The following NEBL variants were observed in gnomAD, a reference collection of about 807,000 sequenced individuals.
The protein encoded by NEBL is LIM and SH3 protein 2.
Under a neutral mutation model 140.2 loss-of-function variants are expected in NEBL, and 122 were observed. That is an observed-to-expected ratio of 0.87 (90% CI 0.75 to 1.01). The LOEUF (loss-of-function observed/expected upper bound fraction) is 1.01, where lower values mean the gene tolerates loss of function less well. NEBL is among the 50% of genes least tolerant of loss of function. The pLI, the probability that NEBL is intolerant of heterozygous loss-of-function variation, is 0.00. For synonymous variants in NEBL, 436 were observed against 398.9 expected, an observed-to-expected ratio of 1.09 and a Z score of -1.11; for missense variants, 1,365 against 1,231.3, an observed-to-expected ratio of 1.11 and a Z score of -1.62.
In NEBL at chr10:21,147,464, C is replaced by T. The variant is rs1839946847; in HGVS notation, c.164+24919G>A. On this transcript the variant is annotated intron_variant, in intron 2 of 6. Transcript: ENST00000417816. Reference sequence around the variant, plus strand: ...CCTCCCTTCACTGGCTTTCCCTTCTCACTTCCCACTCAGTCCTCAACCCAC... The same window carrying T: ...CCTCCCTTCACTGGCTTTCCCTTCTTACTTCCCACTCAGTCCTCAACCCAC... 2.7e-5 allele frequency among the ~76,000 whole-genome samples: 4 copies of T among 150,238 alleles called. No individual in the cohort carries two copies. The South Asian group carries it at 8.5e-4, about 32-fold the overall frequency.
intron 4 of NEBL, among the ~76,000 whole-genome samples, chr10:20,907,785 T>C (rs760958969): frequency 3.2e-4 from 48 of 152,334 alleles, no homozygotes; most frequent in Admixed American, 5.2e-4. Flanking sequence ...GTATTTCTGA[T>C]TTCTGCTCCC....
chr10:21,234,566 G>T (rs565639777), intron 3 of NEBL, among the ~76,000 whole-genome samples: 1 of 152,092 alleles, frequency 6.6e-6, no homozygotes, highest in Non-Finnish European at 1.5e-5. Context: ...CCAGTCTCAG[G>T]TGTTCCTTTA....
intron 4 of NEBL, among the ~76,000 whole-genome samples, chr10:20,958,891 C>A (rs1050634556): frequency 2.0e-5 from 3 of 152,180 alleles, no homozygotes; most frequent in Non-Finnish European, 4.4e-5. Flanking sequence ...TATTTTATCC[C>A]ACACCTCAGT....
chr10:21,112,962 G>GC, intron 2 of NEBL: 1 of 340,698 alleles, frequency 2.9e-6, no homozygotes, highest in South Asian at 2.8e-5. Flanking sequence ...AAAGTGATCT[G>GC]CCCCTGGAAG....
chr10:21,051,132 A>G (rs1041317683), intron 2 of NEBL, among the ~76,000 whole-genome samples: 1 of 152,162 alleles, frequency 6.6e-6, no homozygotes, highest in Non-Finnish European at 1.5e-5. Flanking sequence ...TAGAGATAGG[A>G]AAAAAACACA....
At chr10:21,234,552 T>C (rs1384207690) in intron 3 of NEBL, among the ~76,000 whole-genome samples, 2 of 152,244 alleles carry the variant, frequency 1.3e-5, no homozygotes, top group East Asian at 3.9e-4. Context: ...TCATTATAAA[T>C]TACCCAGTCT....
rs917993142 is a variant in NEBL at position 21,039,085 on chromosome 10, T to G, written c.165-18884A>C. Among the ~76,000 whole-genome samples, 3 of 74,334 alleles carry G rather than the reference T, an allele frequency of 4.0e-5. No individual in the cohort carries two copies. The South Asian group carries it at 1.4e-3, about 36-fold the overall frequency. 48.8% of individuals were successfully genotyped at this position (74,334 alleles called of 152,430 possible). On this transcript the variant is annotated intron_variant, in intron 2 of 6. Coordinates refer to the NEBL transcript ENST00000417816. Reference sequence around the variant, plus strand: ...GTTTTTTTTTTTTTTTTTTTTTTTTTTGTAAATTTGTTTAAGTCCCTTGTA... The same window carrying G: ...GTTTTTTTTTTTTTTTTTTTTTTTTGTGTAAATTTGTTTAAGTCCCTTGTA...
At chr10:21,069,142 T>C (rs1035129457) in intron 2 of NEBL, among the ~76,000 whole-genome samples, 4 of 152,108 alleles carry the variant, frequency 2.6e-5, no homozygotes, top group Non-Finnish European at 5.9e-5. Context: ...TCCTGCCTTA[T>C]CCTCCCAAAG....
At chr10:21,292,321 A>G (rs1266240014) in intron 1 of NEBL, among the ~76,000 whole-genome samples, 2 of 152,236 alleles carry the variant, frequency 1.3e-5, no homozygotes, top group Non-Finnish European at 2.9e-5. Context: ...TGGCCATTAA[A>G]GGGTATTAAA....
At chr10:21,264,203 T>C (rs1842772674) in intron 1 of NEBL, among the ~76,000 whole-genome samples, 1 of 152,232 alleles carries the variant, frequency 6.6e-6, no homozygotes, top group Non-Finnish European at 1.5e-5. Context: ...CCAGTTGGGA[T>C]GATCCTGTAG....
At chr10:20,946,958 TC>T (rs1564456867) in intron 4 of NEBL, among the ~76,000 whole-genome samples, 1 of 151,794 alleles carries the variant, frequency 6.6e-6, no homozygotes, top group South Asian at 2.1e-4. Flanking sequence ...CACCCCAAGA[TC>T]CCCAGAAACT....
chr10:20,819,497 T>G lies in NEBL; in HGVS notation c.1982A>C (p.Asn661Thr). 4 of 1,614,016 alleles carry G rather than the reference T, an allele frequency of 2.5e-6. No homozygotes were observed. Among genetic ancestry groups the G allele is most frequent in the Non-Finnish European group, 3.4e-6 (4 of 1,179,946 alleles). Reference protein sequence around the residue: ...NISNLQYKEQNYKATPVSMTP... With the variant: ...NISNLQYKEQTYKATPVSMTP... ...CATGCTTACCGGAGTGGCCTTGTAG[T>G]TTTGCTCTTTATACTGGAGCTGAGA... Residue 661 changes from asparagine to threonine, a missense_variant, in exon 20 of 28, where the codon AAC (asparagine) becomes ACC (threonine). Asn to Thr is a moderately conservative substitution (Grantham distance 65). Transcript: ENST00000377122.
chr10:21,077,850 T>G (rs1005452960), intron 2 of NEBL, among the ~76,000 whole-genome samples: 3 of 151,998 alleles, frequency 2.0e-5, no homozygotes, highest in Non-Finnish European at 4.4e-5. Flanking sequence ...ACAGCAGAAC[T>G]GATAGACCTT....
At chr10:21,008,897 A>G (rs1024002697) in intron 3 of NEBL, among the ~76,000 whole-genome samples, 4 of 151,666 alleles carry the variant, frequency 2.6e-5, no homozygotes. Flanking sequence ...TATGTATATT[A>G]TATGTATATC....
At chr10:21,000,010 T>A (rs182665084) in intron 3 of NEBL, among the ~76,000 whole-genome samples, 1 of 152,018 alleles carries the variant, frequency 6.6e-6, no homozygotes, top group Non-Finnish European at 1.5e-5. Context: ...TACAAAGCAC[T>A]TCCTCCTCTG....
intron 4 of NEBL, among the ~76,000 whole-genome samples, chr10:20,948,128 T>C (rs1835271181): frequency 6.6e-6 from 1 of 152,246 alleles, no homozygotes; most frequent in Non-Finnish European, 1.5e-5. Context: ...TATTTTTAAA[T>C]TTCTTTCATT....
At chr10:20,901,731 C>T (rs540463709), upstream of NEBL, among the ~76,000 whole-genome samples, 124 of 152,276 alleles carry the variant, frequency 8.1e-4, no homozygotes, top group African/African-American at 2.9e-3. Context: ...TTTTCACACT[C>T]ATTTTTTGTT....
chr10:20,909,607 G>A (rs890551235), intron 4 of NEBL, among the ~76,000 whole-genome samples: 4 of 152,062 alleles, frequency 2.6e-5, no homozygotes, highest in Admixed American at 2.6e-4. Context: ...TAAAAATTTA[G>A]AATATAGTAA....
At chr10:21,133,193 G>A (rs1007715537) in intron 2 of NEBL, among the ~76,000 whole-genome samples, 10 of 152,050 alleles carry the variant, frequency 6.6e-5, no homozygotes, top group Non-Finnish European at 1.5e-4. Flanking sequence ...TTCTTTTTGT[G>A]ACACTTTCAA....
Sources: allele counts gnomAD v4.1 joint callset (sites outside exome capture counted in the v4.1 genomes callset), GRCh38; gene constraint gnomAD v4.1.1; transcripts MANE v1.5; gene names NCBI Gene and HGNC (gene_info 2026-07-23, HGNC 2026-07-21).